Variants in TAF1B observed in about 807,000 individuals in gnomAD.
TAF1B encodes TATA box-binding protein-associated factor RNA polymerase I subunit B.
A neutral mutation model predicts 83.9 loss-of-function variants in TAF1B; 61 were observed. The ratio of observed to expected loss-of-function variants is 0.73; its 90% confidence interval spans 0.59 to 0.90. The LOEUF (loss-of-function observed/expected upper bound fraction) is 0.90. Ranked by LOEUF, TAF1B falls within the 40% of genes least tolerant of loss-of-function variation. TAF1B has a pLI of 0.00. For synonymous variants in TAF1B, 221 were observed against 224.6 expected, an observed-to-expected ratio of 0.98 and a Z score of 0.14; for missense variants, 625 against 677.0, an observed-to-expected ratio of 0.92 and a Z score of 0.85.
intron 14 of TAF1B, among the ~76,000 whole-genome samples, chr2:9,927,545 T>G (rs183798002): frequency 0.011 from 1,687 of 152,348 alleles, 29 homozygotes; most frequent in African/African-American, 0.038. Flanking sequence ...GTTTCCTGAC[T>G]TTTTATTGAT....
At chr2:9,844,435 G>A (rs1441032295) in intron 1 of TAF1B, 1 of 152,242 alleles carries the variant, frequency 6.6e-6, no homozygotes, top group Non-Finnish European at 1.5e-5. Flanking sequence ...TGGGATTATA[G>A]GGGTGATCCC....
chr2:9,929,281 C>T (rs1286317907), intron 14 of TAF1B, among the ~76,000 whole-genome samples: 1 of 152,130 alleles, frequency 6.6e-6, no homozygotes, highest in Non-Finnish European at 1.5e-5. Context: ...ACCTCAGCCT[C>T]CTGTGTAGCT....
chr2:9,851,607 TAAA>T lies in TAF1B; in HGVS notation c.273_275del (p.Lys92del), dbSNP rs1558613092. ...ATTCTTTATCAACAAGCAGAAGCCT[TAAA>T]GAACCTTGGAGTAGGCCCAGAGTTA... On this transcript the variant is annotated inframe_deletion, in exon 4 of 15. Transcript: ENST00000263663. 1 of 1,612,712 alleles carries T rather than the reference TAAA, an allele frequency of 6.2e-7. No homozygotes were observed. The highest frequency in any genetic ancestry group is 1.7e-5 in the Admixed American group (1 of 59,760).
intron 14 of TAF1B, among the ~76,000 whole-genome samples, chr2:9,927,192 T>A (rs80120358): frequency 6.6e-6 from 1 of 151,960 alleles, no homozygotes; most frequent in Non-Finnish European, 1.5e-5. Flanking sequence ...CCTGCAAAGG[T>A]CATGAACTCA....
At chr2:9,896,620 C>CAAAAAAAAAAAAAAAAAAAA (rs71391108) in intron 8 of TAF1B, among the ~76,000 whole-genome samples, 1 of 66,540 alleles carries the variant, frequency 1.5e-5, no homozygotes. Context: ...ATCTAAAAAC[C>CAAAAAAAAAAAAAAAAAAAA]AAAAAAAAAA....
chr2:9,877,253 C>CTG (rs1664346573), intron 7 of TAF1B, among the ~76,000 whole-genome samples: 1 of 152,200 alleles, frequency 6.6e-6, no homozygotes, highest in South Asian at 2.1e-4. Context: ...ATATATACAG[C>CTG]TGTCTGCTGG....
intron 8 of TAF1B, among the ~76,000 whole-genome samples, chr2:9,883,943 T>G (rs1664587332): frequency 6.6e-6 from 1 of 152,366 alleles, no homozygotes; most frequent in Non-Finnish European, 1.5e-5. Context: ...CGGTGGCATC[T>G]TTGCCCAAGT....
At chr2:9,895,696 T>C (rs1664996154) in intron 8 of TAF1B, among the ~76,000 whole-genome samples, 1 of 152,216 alleles carries the variant, frequency 6.6e-6, no homozygotes, top group African/African-American at 2.4e-5. Flanking sequence ...AATTCTCCTT[T>C]GTTATGGAGA....
intron 7 of TAF1B, among the ~76,000 whole-genome samples, chr2:9,879,089 G>GA (rs1664412336): frequency 6.6e-6 from 1 of 152,200 alleles, no homozygotes; most frequent in Admixed American, 6.5e-5. Flanking sequence ...GGATGCCTGA[G>GA]AATGTAGATA....
chr2:9,900,021 A>G (rs969656691), intron 8 of TAF1B, among the ~76,000 whole-genome samples: 1 of 152,324 alleles, frequency 6.6e-6, no homozygotes. Flanking sequence ...ATAAAGAAGA[A>G]TGTTTTCCAG....
At chr2:9,861,795 C>T (rs868363392) in intron 5 of TAF1B, among the ~76,000 whole-genome samples, 17 of 152,320 alleles carry the variant, frequency 1.1e-4, no homozygotes, top group East Asian at 1.9e-4. Flanking sequence ...CACCAATATC[C>T]GCTGTTCTGC....
chr2:9,852,247 A>G (rs1663419922), intron 4 of TAF1B: 1 of 199,618 alleles, frequency 5.0e-6, no homozygotes, highest in African/African-American at 2.4e-5. Flanking sequence ...TCTGGGGACC[A>G]CTCTTTGACT....
At chr2:9,918,972 T>C (rs1174712449) in intron 12 of TAF1B, 69 bp from the exon 13 acceptor site, 3 of 1,289,876 alleles carry the variant, frequency 2.3e-6, no homozygotes, top group Non-Finnish European at 3.4e-6. Context: ...TCTCAGATAG[T>C]GCTTCAGACA....
rs961558953 is a variant in TAF1B, at chr2:9,876,033, T to C, written c.707+15T>C. 1 of 1,581,904 alleles carries C rather than the reference T, an allele frequency of 6.3e-7. No homozygotes were observed. The highest frequency in any genetic ancestry group is 1.3e-5 in the African/African-American group (1 of 74,276). ...GATCTTTTGAGGTTAGCTAGACCTC[T>C]TGTATGATAATATTTTTGCTGGTTA... On this transcript the variant is annotated intron_variant, in intron 7 of 14. Coordinates refer to ENST00000263663, the MANE Select transcript of TAF1B (RefSeq NM_005680.3).
chr2:9,852,047 C>G (rs977342567), intron 4 of TAF1B: 2 of 472,094 alleles, frequency 4.2e-6, no homozygotes, highest in East Asian at 1.4e-4. Flanking sequence ...GACTTGAGTT[C>G]CACAGAATGC....
At chr2:9,927,298 CTT>C (rs2125184806) in intron 14 of TAF1B, among the ~76,000 whole-genome samples, 1 of 152,262 alleles carries the variant, frequency 6.6e-6, no homozygotes, top group Non-Finnish European at 1.5e-5. Context: ...GGTTCCAAGT[CTT>C]TGCTATTGTG....
At chr2:9,858,112 T>C (rs1356194890) in intron 5 of TAF1B, among the ~76,000 whole-genome samples, 1 of 152,234 alleles carries the variant, frequency 6.6e-6, no homozygotes, top group Non-Finnish European at 1.5e-5. Context: ...TTTCTGCCTA[T>C]GAACCTGTAA....
At chr2:9,852,667 ATTT>A (rs1293752614) in intron 4 of TAF1B, among the ~76,000 whole-genome samples, 1 of 151,850 alleles carries the variant, frequency 6.6e-6, no homozygotes. Flanking sequence ...AATTTTTTCT[ATTT>A]TAGTATAGAT....
chr2:9,926,833 C>T (rs565205976), intron 14 of TAF1B, among the ~76,000 whole-genome samples: 1 of 147,740 alleles, frequency 6.8e-6, no homozygotes, highest in East Asian at 2.0e-4. Flanking sequence ...GAGAGATTGG[C>T]AGTTAACATT....
Sources: allele counts gnomAD v4.1 joint callset (sites outside exome capture counted in the v4.1 genomes callset), GRCh38; gene constraint gnomAD v4.1.1; transcripts MANE v1.5; gene names NCBI Gene and HGNC (gene_info 2026-07-23, HGNC 2026-07-21).